CLIP4: variants seen among roughly 807,000 people sequenced by gnomAD.
The protein encoded by CLIP4 is CAP-Gly domain containing linker protein family member 4, also known as CAP-Gly domain-containing linker protein 4.
In CLIP4, 47 loss-of-function variants were observed where a neutral mutation model predicts 73.1. The ratio of observed to expected loss-of-function variants is 0.64; its 90% CI spans 0.51 to 0.82. The LOEUF is 0.82. Among genes scored for constraint, CLIP4 ranks in the 40% least tolerant of loss-of-function variants. The pLI is 0.00. For missense variants in CLIP4, 874 were observed against 852.9 expected, an observed-to-expected ratio of 1.02 and a Z score of -0.31; for synonymous variants, 306 against 295.4, an observed-to-expected ratio of 1.04 and a Z score of -0.37.
intron 6 of CLIP4, among the ~76,000 whole-genome samples, 189 bp downstream of exon 6, chr2:29,135,855 T>A: frequency 6.6e-6 from 1 of 152,298 alleles, no homozygotes; most frequent in South Asian, 2.1e-4. Context: ...ATGATAAATT[T>A]CCTTTTATAT....
chr2:29,110,845 T>C (rs945817442), upstream of CLIP4, among the ~76,000 whole-genome samples: 1 of 152,120 alleles, frequency 6.6e-6, no homozygotes, highest in African/African-American at 2.4e-5. Context: ...CACGCCACCA[T>C]GCCTGGCTAA....
intron 8 of CLIP4, among the ~76,000 whole-genome samples, chr2:29,151,189 AT>A (rs1297100805): frequency 1.3e-5 from 2 of 152,008 alleles, no homozygotes; most frequent in African/African-American, 4.8e-5. Flanking sequence ...CTTGAAATGT[AT>A]TTTTTTCTTT....
At chr2:29,114,830 G>A (rs553099011), upstream of CLIP4, 4 of 152,380 alleles carry the variant, frequency 2.6e-5, no homozygotes, top group Admixed American at 6.5e-5. Context: ...TCAAACTTCG[G>A]TCATGGTCTT....
intron 14 of CLIP4, among the ~76,000 whole-genome samples, chr2:29,173,726 C>T (rs1668159171): frequency 6.6e-6 from 1 of 152,130 alleles, no homozygotes; most frequent in African/African-American, 2.4e-5. Flanking sequence ...GGCTGGAAAT[C>T]TTGTTTCTTT....
At chr2:29,141,519 G>T (rs1232085553) in intron 6 of CLIP4, among the ~76,000 whole-genome samples, 1 of 152,134 alleles carries the variant, frequency 6.6e-6, no homozygotes, top group Non-Finnish European at 1.5e-5. Context: ...TTGGGTGTGT[G>T]TATATTTAGG....
intron 4 of CLIP4, 129 bp from the exon 5 acceptor site, chr2:29,133,526 A>C: frequency 1.4e-6 from 1 of 703,058 alleles, no homozygotes; most frequent in Non-Finnish European, 2.2e-6. Flanking sequence ...AATTCTTGCA[A>C]GTGAAATTTT....
intron 11 of CLIP4, 47 bp downstream of exon 11, chr2:29,157,394 GGTTT>G: frequency 6.2e-7 from 1 of 1,613,496 alleles, no homozygotes; most frequent in Non-Finnish European, 8.5e-7. Context: ...TTTTTATCTT[GGTTT>G]GTTTGTAAGT....
At chr2:29,124,851 G>A (rs1185453263) in intron 2 of CLIP4, among the ~76,000 whole-genome samples, 19 of 152,010 alleles carry the variant, frequency 1.2e-4, no homozygotes, top group Admixed American at 1.2e-3. Context: ...CTGTTTTAAT[G>A]TCCTTCTCTG....
chr2:29,108,583 TAAGAG>T (rs1668299881), intron 1 of CLIP4, among the ~76,000 whole-genome samples: 1 of 152,246 alleles, frequency 6.6e-6, no homozygotes, highest in Non-Finnish European at 1.5e-5. Flanking sequence ...AAACTGCCGA[TAAGAG>T]AAGACTACCG....
At chr2:29,167,275 C>A (rs1422270797) in intron 13 of CLIP4, among the ~76,000 whole-genome samples, 2 of 152,126 alleles carry the variant, frequency 1.3e-5, no homozygotes, top group African/African-American at 4.8e-5. Context: ...CACTAATTAT[C>A]TTTAGATAGT....
intron 8 of CLIP4, among the ~76,000 whole-genome samples, chr2:29,149,410 C>CTTTTTT (rs71403647): frequency 2.2e-5 from 3 of 138,322 alleles, no homozygotes; most frequent in Non-Finnish European, 3.1e-5. Flanking sequence ...TTCTCCTTTT[C>CTTTTTT]TTTTTTTTTT....
intron 5 of CLIP4, among the ~76,000 whole-genome samples, chr2:29,134,236 A>G (rs1350872481): frequency 6.6e-6 from 1 of 152,142 alleles, no homozygotes; most frequent in African/African-American, 2.4e-5. Flanking sequence ...AACTTAAGGG[A>G]TAATATTTCA....
intron 6 of CLIP4, among the ~76,000 whole-genome samples, chr2:29,138,345 G>A (rs781229813): frequency 2.6e-5 from 4 of 151,950 alleles, no homozygotes; most frequent in Non-Finnish European, 1.5e-5. Flanking sequence ...TCTCTATTCT[G>A]TTTCATTGGT....
At chr2:29,136,695 C>T (rs17693648) in intron 6 of CLIP4, among the ~76,000 whole-genome samples, 2,827 of 152,104 alleles carry the variant, frequency 0.019, 54 homozygotes, top group Non-Finnish European at 0.029. Context: ...AAGAATTAAA[C>T]AGGTACTGAA....
At chr2:29,164,043 C>A in intron 13 of CLIP4, 89 bp downstream of exon 13, 1 of 1,094,750 alleles carries the variant, frequency 9.1e-7, no homozygotes, top group Non-Finnish European at 1.3e-6. Context: ...TAAAGATATG[C>A]TCTGATTGTA....
intron 2 of CLIP4, 97 bp from the exon 3 acceptor site, chr2:29,131,161 A>G (rs1188139278): frequency 1.9e-6 from 2 of 1,074,934 alleles, no homozygotes; most frequent in Non-Finnish European, 2.6e-6. Flanking sequence ...CATCTAAAAT[A>G]TTTGTATCAT....
chr2:29,166,588 ATAT>A (rs1469513287), intron 13 of CLIP4, among the ~76,000 whole-genome samples: 2 of 151,910 alleles, frequency 1.3e-5, no homozygotes, highest in Non-Finnish European at 1.5e-5. Flanking sequence ...CATTAGCATA[ATAT>A]TCACTTTCTT....
intron 13 of CLIP4, among the ~76,000 whole-genome samples, chr2:29,164,483 G>GT (rs2148066043): frequency 6.6e-6 from 1 of 152,206 alleles, no homozygotes; most frequent in Admixed American, 6.5e-5. Flanking sequence ...TCTTAAGATA[G>GT]TATCTTTCAT....
intron 15 of CLIP4, among the ~76,000 whole-genome samples, chr2:29,177,253 C>CA (rs1668396852): frequency 6.6e-6 from 1 of 151,862 alleles, no homozygotes; most frequent in Non-Finnish European, 1.5e-5. Context: ...TGTTAAACTA[C>CA]AAAAAATTAG....
Sources: allele counts gnomAD v4.1 joint callset (sites outside exome capture counted in the v4.1 genomes callset), GRCh38; gene constraint gnomAD v4.1.1; transcripts MANE v1.5; gene names NCBI Gene and HGNC (gene_info 2026-07-23, HGNC 2026-07-21).